Variants in SORCS2 observed in about 807,000 individuals in gnomAD.
SORCS2 encodes sortilin related VPS10 domain containing receptor 2, also known as VPS10 domain-containing receptor SorCS2.
Under a neutral mutation model 141.6 loss-of-function variants are expected in SORCS2, and 100 were observed. That is an observed-to-expected ratio of 0.71 (90% confidence interval 0.60 to 0.83). The LOEUF (loss-of-function observed/expected upper bound fraction) is 0.83, where lower values mean the gene tolerates loss of function less well. SORCS2 is among the 40% of genes least tolerant of loss of function. The pLI is 0.00. For missense variants in SORCS2, 1,646 were observed against 1,560.2 expected (o/e 1.05, Z -0.93); for synonymous variants, 789 against 676.9 (o/e 1.17, Z -2.57).
At chr4:7,624,549 C>T (rs959102233) in intron 3 of SORCS2, among the ~76,000 whole-genome samples, 6 of 152,176 alleles carry the variant, frequency 3.9e-5, no homozygotes, top group African/African-American at 4.8e-5. Context: ...CAGTTATTTC[C>T]GAAAGCTGTC....
chr4:7,221,228 T>C (rs778845636), intron 1 of SORCS2, among the ~76,000 whole-genome samples: 3 of 152,164 alleles, frequency 2.0e-5, no homozygotes, highest in Non-Finnish European at 4.4e-5. Context: ...TGAGGAGTTA[T>C]TCGCAGACTT....
intron 11 of SORCS2, among the ~76,000 whole-genome samples, chr4:7,696,050 A>G (rs1296832382): frequency 6.6e-6 from 1 of 152,130 alleles, no homozygotes; most frequent in Non-Finnish European, 1.5e-5. Flanking sequence ...ACTTAATAAG[A>G]CAGGCACACA....
At chr4:7,505,739 G>C (rs1732237640) in intron 2 of SORCS2, among the ~76,000 whole-genome samples, 2 of 152,172 alleles carry the variant, frequency 1.3e-5, no homozygotes, top group African/African-American at 4.8e-5. Context: ...GGCAGCGCCA[G>C]TGAGAAGCCT....
chr4:7,611,985 C>G (rs1304497361), intron 3 of SORCS2, among the ~76,000 whole-genome samples: 1 of 152,240 alleles, frequency 6.6e-6, no homozygotes, highest in African/African-American at 2.4e-5. Flanking sequence ...GCTCTGGGCT[C>G]TGCCGTGGGT....
chr4:7,281,879 GC>G (rs1715909237), intron 1 of SORCS2, among the ~76,000 whole-genome samples: 1 of 152,146 alleles, frequency 6.6e-6, no homozygotes, highest in Non-Finnish European at 1.5e-5. Flanking sequence ...AGAGATGAGT[GC>G]CGAGGGACCG....
chr4:7,226,483 C>T (rs1040594135), intron 1 of SORCS2, among the ~76,000 whole-genome samples: 21 of 152,158 alleles, frequency 1.4e-4, no homozygotes, highest in African/African-American at 3.6e-4. Context: ...ACGTCTGTGA[C>T]GGCCGGGTGA....
chr4:7,616,292 T>TACACAC lies in SORCS2; in HGVS notation c.649-22032_649-22027dup, dbSNP rs529679702. Among the ~76,000 whole-genome samples the TACACAC allele has an allele frequency of 3.2e-3, 482 of 152,186 alleles. 3 individuals are homozygous for TACACAC. The highest frequency in any genetic ancestry group is 0.011 in the African/African-American group (463 of 41,542). ...GCTAGCCAACCCACTCACATATACA[T>TACACAC]ACACACACATCCATCCATCCATCCA... On this transcript the variant is annotated intron_variant, in intron 3 of 26. Transcript: ENST00000507866.
chr4:7,451,088 GTGAC>G (rs1728410197), intron 2 of SORCS2, among the ~76,000 whole-genome samples: 1 of 152,158 alleles, frequency 6.6e-6, no homozygotes, highest in Non-Finnish European at 1.5e-5. Flanking sequence ...GAATGCATGA[GTGAC>G]TGAGTGAGTG....
At chr4:7,466,531 C>T (rs942664126) in intron 2 of SORCS2, among the ~76,000 whole-genome samples, 4 of 152,222 alleles carry the variant, frequency 2.6e-5, no homozygotes, top group Non-Finnish European at 5.9e-5. Flanking sequence ...CAGGCACACA[C>T]TCACCTGGCC....
chr4:7,208,903 G>A (rs774465464), intron 1 of SORCS2, among the ~76,000 whole-genome samples: 6 of 152,226 alleles, frequency 3.9e-5, no homozygotes, highest in Non-Finnish European at 7.3e-5. Flanking sequence ...GGCTCACCTA[G>A]CCCTGCTGGG....
At chr4:7,596,647 G>C (rs780114697) in intron 3 of SORCS2, among the ~76,000 whole-genome samples, 1 of 152,168 alleles carries the variant, frequency 6.6e-6, no homozygotes, top group Non-Finnish European at 1.5e-5. Flanking sequence ...AGAAATCTGC[G>C]TTCCTTTGGA....
intron 1 of SORCS2, among the ~76,000 whole-genome samples, chr4:7,317,379 G>A (rs370467113): frequency 3.3e-5 from 5 of 152,234 alleles, no homozygotes; most frequent in Non-Finnish European, 1.5e-5. Flanking sequence ...GTACCTCTGC[G>A]TCAACGGAGG....
At chr4:7,418,708 C>CG (rs1553859460) in intron 2 of SORCS2, among the ~76,000 whole-genome samples, 1 of 115,828 alleles carries the variant, frequency 8.6e-6, no homozygotes, top group African/African-American at 3.0e-5. Context: ...AATGACCCCC[C>CG]CCCCCACCAG....
rs1726956871 is a variant in SORCS2, at chr4:7,724,573, ATGGTGATGG to A, written c.2612-575_2612-567del. ...GTGGTGGGAATGGATGGTGGTGGTG[ATGGTGATGG>A]TGGTGGTGTTGGTGATGGTGGTGAT... On this transcript the variant is annotated intron_variant, in intron 19 of 26. Coordinates refer to ENST00000507866, the MANE Select transcript of SORCS2 (RefSeq NM_020777.3). Among the ~76,000 whole-genome samples, 13 of 40,426 alleles carry A rather than the reference ATGGTGATGG, an allele frequency of 3.2e-4. No homozygotes were observed. In the East Asian group the frequency reaches 0.023, roughly 71 times the overall value. The allele number at this position is 40,426 out of a possible 152,430, so 26.5% of individuals were successfully genotyped here.
intron 1 of SORCS2, among the ~76,000 whole-genome samples, chr4:7,384,792 A>C (rs10937811): frequency 0.12 from 17,920 of 152,256 alleles, 1,685 homozygotes; most frequent in African/African-American, 0.26. Context: ...TGGCTTGCCC[A>C]GGACTGCACA....
chr4:7,564,181 T>A (rs1257350837), intron 3 of SORCS2, among the ~76,000 whole-genome samples: 1 of 152,198 alleles, frequency 6.6e-6, no homozygotes, highest in South Asian at 2.1e-4. Context: ...TTTAAATCGC[T>A]GCTTTTCTAC....
intron 1 of SORCS2, among the ~76,000 whole-genome samples, chr4:7,313,604 C>A (rs967012511): frequency 6.6e-6 from 1 of 152,142 alleles, no homozygotes; most frequent in Admixed American, 6.5e-5. Context: ...TGTGGAAGGG[C>A]CATAGATGAA....
At chr4:7,694,473 CA>C (rs1219767874) in intron 11 of SORCS2, among the ~76,000 whole-genome samples, 1 of 151,502 alleles carries the variant, frequency 6.6e-6, no homozygotes, top group Non-Finnish European at 1.5e-5. Context: ...GTAGACAGAG[CA>C]AGGAAAACAG....
intron 1 of SORCS2, among the ~76,000 whole-genome samples, chr4:7,281,181 T>C (rs1715851281): frequency 6.6e-6 from 1 of 152,166 alleles, no homozygotes; most frequent in African/African-American, 2.4e-5. Flanking sequence ...AGTTTTTTCT[T>C]GTCAGGCTCA....
Sources: gnomAD v4.1 joint callset for allele counts (sites outside exome capture counted in the v4.1 genomes callset) on GRCh38, gnomAD v4.1.1 for gene constraint, MANE v1.5 for transcripts, NCBI Gene and HGNC (gene_info 2026-07-23, HGNC 2026-07-21) for gene names.